RFX4: variants seen among roughly 807,000 people sequenced by gnomAD.
RFX4 encodes regulatory factor X4, also known as transcription factor RFX4.
RFX4 carries 10 observed loss-of-function variants against 95.0 expected under a neutral mutation model. The observed-to-expected ratio is 0.11, with a 90% CI of 0.06 to 0.18. The LOEUF (loss-of-function observed/expected upper bound fraction) is 0.18, where lower values mean the gene tolerates loss of function less well. Ranked by LOEUF, RFX4 falls within the 10% of genes least tolerant of loss-of-function variation. The probability of loss-of-function intolerance (pLI) is 1.00; values close to 1 mark genes in which losing one functional copy is unlikely to be tolerated. For synonymous variants in RFX4, 321 were observed against 340.7 expected (o/e 0.94, Z 0.64); for missense variants, 640 against 922.0 (o/e 0.69, Z 3.96).
chr12:106,609,547 G>A (rs927434418), intron 2 of RFX4, among the ~76,000 whole-genome samples: 3 of 152,146 alleles, frequency 2.0e-5, no homozygotes, highest in Non-Finnish European at 2.9e-5. Context: ...CATCTCCTTC[G>A]TTCAGTTTTC....
chr12:106,711,365 G>T, intron 9 of RFX4, 88 bp from the exon 10 acceptor site: 1 of 1,208,806 alleles, frequency 8.3e-7, no homozygotes. Flanking sequence ...AAAATAAGCA[G>T]GCTACTTTTT....
chr12:106,741,097 T>C (rs2042796674), intron 15 of RFX4, among the ~76,000 whole-genome samples: 1 of 152,118 alleles, frequency 6.6e-6, no homozygotes, highest in Non-Finnish European at 1.5e-5. Flanking sequence ...GTTCTGTCAA[T>C]CAGATTTTGA....
At chr12:106,626,962 G>T (rs2137250788) in intron 2 of RFX4, among the ~76,000 whole-genome samples, 1 of 152,244 alleles carries the variant, frequency 6.6e-6, no homozygotes, top group Admixed American at 6.5e-5. Flanking sequence ...GTGCATGTTT[G>T]TTGTGGAATG....
Position 106,709,347 on chromosome 12 carries a change from G to A in RFX4, c.851G>A (p.Arg284Gln), listed in dbSNP as rs766817894. ...TTTTCTAGCTTAACTCAGGTGATTC[G>A]AAAGTTTGCCAAGCAACTGGATGAG... ...ALPDSLTQVI[R>Q]KFAKQLDEWL... Residue 284 changes from arginine to glutamine, a missense_variant, in exon 9 of 18, where the codon CGA becomes CAA. Transcript: ENST00000392842. 6.8e-6 allele frequency: 11 copies of A among 1,613,232 alleles called. No homozygotes were observed. The highest frequency in any genetic ancestry group is 2.2e-5 in the South Asian group (2 of 90,832).
chr12:106,697,110 C>A (rs972857818), intron 8 of RFX4, among the ~76,000 whole-genome samples: 1 of 152,136 alleles, frequency 6.6e-6, no homozygotes, highest in African/African-American at 2.4e-5. Flanking sequence ...GGGCTGTGTT[C>A]CCTTCCAAGC....
Position 106,761,553 on chromosome 12 carries a change from TTATCTC to T in RFX4, c.*88_*93del, listed in dbSNP as rs1303788908. On this transcript the variant is annotated 3_prime_UTR_variant, in exon 18 of 18. Coordinates refer to ENST00000392842, the MANE Select transcript of RFX4 (RefSeq NM_213594.3). ...CCCAACACCCATCCCCCAGAAGACT[TTATCTC>T]TATACATTGTAACTCATGGGCTATT... is the stretch of plus-strand genomic sequence containing the variant. 4 of 1,047,244 alleles carry T rather than the reference TTATCTC, an allele frequency of 3.8e-6. No homozygotes were observed. The highest frequency in any genetic ancestry group is 4.1e-5 in the South Asian group (1 of 24,654). 64.9% of individuals were successfully genotyped at this position (1,047,244 alleles called of 1,614,324 possible).
intron 5 of RFX4, chr12:106,682,269 G>C (rs1592932737): frequency 1.8e-6 from 1 of 562,754 alleles, no homozygotes; most frequent in Non-Finnish European, 3.1e-6. Context: ...TGGCTCTGCT[G>C]CTTTAAGGAA....
intron 3 of RFX4, among the ~76,000 whole-genome samples, chr12:106,646,231 A>G (rs1269542324): frequency 6.6e-6 from 1 of 151,920 alleles, no homozygotes; most frequent in Non-Finnish European, 1.5e-5. Flanking sequence ...TGCAGTAGAG[A>G]TGAGTAGAGT....
chr12:106,585,062 C>A (rs2039434454), intron 1 of RFX4, among the ~76,000 whole-genome samples: 2 of 152,234 alleles, frequency 1.3e-5, no homozygotes, highest in South Asian at 4.1e-4. Context: ...CCTGAGAACC[C>A]TAACATTAAA....
At chr12:106,643,871 TCTC>T (rs1354129668) in intron 3 of RFX4, among the ~76,000 whole-genome samples, 4 of 152,204 alleles carry the variant, frequency 2.6e-5, no homozygotes, top group African/African-American at 9.6e-5. Context: ...TTCTTTGCCT[TCTC>T]CTCAAAAGCA....
At chr12:106,629,800 T>G (rs1443703199) in intron 2 of RFX4, among the ~76,000 whole-genome samples, 1 of 152,180 alleles carries the variant, frequency 6.6e-6, no homozygotes, top group Admixed American at 6.5e-5. Flanking sequence ...AAATTTTTTG[T>G]AGAGACGGGG....
intron 13 of RFX4, among the ~76,000 whole-genome samples, chr12:106,726,961 G>A (rs1188959691): frequency 1.3e-5 from 2 of 152,086 alleles, no homozygotes; most frequent in East Asian, 3.9e-4. Flanking sequence ...TAGTAGAGAG[G>A]GGGTTTCACC....
rs148590749 is a variant in RFX4, at chr12:106,674,886, A to G, written c.316-7107A>G. On this transcript the variant is annotated intron_variant, in intron 4 of 17. Transcript: ENST00000392842. The stretch of plus-strand genomic sequence containing the variant: ...GCTTTGTACCATTAGCCAACCTATT[A>G]TGGTTATTGAGGCTGCAGCTTGTTG... 8.3e-3 allele frequency among the ~76,000 whole-genome samples: 1,265 copies of G among 152,238 alleles called. 24 individuals are homozygous for G. Among genetic ancestry groups the G allele is most frequent in the African/African-American group, 0.029 (1,207 of 41,532 alleles).
chr12:106,654,464 C>T, intron 4 of RFX4, 113 bp downstream of exon 4: 3 of 1,243,968 alleles, frequency 2.4e-6, no homozygotes, highest in Non-Finnish European at 3.2e-6. Flanking sequence ...TACTTACTTA[C>T]TTTGGTACTT....
intron 5 of RFX4, chr12:106,683,259 G>A (rs1019349536): frequency 6.6e-6 from 1 of 151,996 alleles, no homozygotes; most frequent in African/African-American, 2.4e-5. Flanking sequence ...CTCCAAGGGT[G>A]GGTTTGATTT....
In RFX4 at chr12:106,761,634, T is replaced by C. The variant is rs1035964333; in HGVS notation, c.*165T>C. On this transcript the variant is annotated 3_prime_UTR_variant, in exon 18 of 18. Coordinates refer to ENST00000392842, the MANE Select transcript of RFX4 (RefSeq NM_213594.3). The stretch of plus-strand genomic sequence containing the variant: ...ACATGAGGATGGGATCAATGTGGGA[T>C]GAATAAACTTTAGTTCAGAAACAGG... The C allele has an allele frequency of 5.3e-6, 2 of 378,356 alleles. No homozygotes were observed. Among genetic ancestry groups the C allele is most frequent in the African/African-American group, 4.3e-5 (2 of 46,878 alleles). 23.4% of individuals were successfully genotyped at this position (378,356 alleles called of 1,614,324 possible).
chr12:106,602,698 C>T (rs1340070890), intron 1 of RFX4, among the ~76,000 whole-genome samples: 1 of 152,176 alleles, frequency 6.6e-6, no homozygotes, highest in African/African-American at 2.4e-5. Flanking sequence ...CTTGGGAAAC[C>T]TTGCTCCCTC....
chr12:106,703,720 C>T (rs954159181), intron 8 of RFX4, among the ~76,000 whole-genome samples: 38 of 152,246 alleles, frequency 2.5e-4, no homozygotes, highest in African/African-American at 7.9e-4. Flanking sequence ...TAACCCCTCC[C>T]TTCCTATCTA....
chr12:106,642,377 A>G (rs2040651951), intron 3 of RFX4, among the ~76,000 whole-genome samples: 1 of 151,710 alleles, frequency 6.6e-6, no homozygotes, highest in Non-Finnish European at 1.5e-5. Flanking sequence ...GCACTTTGAG[A>G]GGCTGAAGTG....
Sources: allele counts gnomAD v4.1 joint callset (sites outside exome capture counted in the v4.1 genomes callset), GRCh38; gene constraint gnomAD v4.1.1; transcripts MANE v1.5; gene names NCBI Gene and HGNC (gene_info 2026-07-23, HGNC 2026-07-21).